Variants in ZNF75D observed in about 807,000 individuals in gnomAD.
ZNF75D encodes the protein zinc finger protein 75D.
Under a neutral mutation model 33.3 loss-of-function variants are expected in ZNF75D, and 33 were observed. That is an observed-to-expected ratio of 0.99 (90% CI 0.75 to 1.32). The LOEUF is 1.32. ZNF75D is among the 40% of genes most tolerant of loss of function. The pLI, the probability that ZNF75D is intolerant of heterozygous loss-of-function variation, is 0.00. For synonymous variants in ZNF75D, 113 were observed against 130.6 expected, an observed-to-expected ratio of 0.87 and a Z score of 0.92; for missense variants, 338 against 367.5, an observed-to-expected ratio of 0.92 and a Z score of 0.66.
At chrX:135,326,858 A>C in intron 1 of ZNF75D, among the ~76,000 whole-genome samples, 1 of 111,885 alleles carries the variant, frequency 8.9e-6, no homozygotes, top group African/African-American at 3.2e-5. Context: ...CTCCGAACAC[A>C]TCCGAACATC....
At position 135,342,143 on chromosome X, in the gene ZNF75D, A is replaced by C. The variant is rs1181009349; in HGVS notation, c.-766T>G. The C allele has an allele frequency of 8.9e-6, 1 of 112,155 alleles. No homozygotes were observed. Among genetic ancestry groups the C allele is most frequent in the Non-Finnish European group, 1.9e-5 (1 of 53,217 alleles). The allele number at this position is 112,155 out of a possible 1,213,427, so 9.2% of individuals were successfully genotyped here. ...TAGTCTGTTACACTGATGACATGCT[A>C]ATTAGACCTAGTGAACAAGAAGTAG... On this transcript the variant is annotated 5_prime_UTR_variant, in exon 1 of 7. In the 5' UTR this introduces an upstream ATG that the reference lacks. Transcript: ENST00000370766.
At chrX:135,272,056 C>T (rs2083885116) in intron 1 of ZNF75D, among the ~76,000 whole-genome samples, 1 of 110,175 alleles carries the variant, frequency 9.1e-6, no homozygotes, top group African/African-American at 3.3e-5. Context: ...TGCTTATTAC[C>T]ACCACATCCA....
chrX:135,316,830 TGATA>T (rs1292562658), intron 1 of ZNF75D, among the ~76,000 whole-genome samples: 1 of 109,973 alleles, frequency 9.1e-6, no homozygotes, highest in African/African-American at 3.3e-5. Context: ...TTTTTTTTAA[TGATA>T]GATATTTCTT....
At chrX:135,319,120 C>T (rs2084463590) in intron 1 of ZNF75D, among the ~76,000 whole-genome samples, 1 of 111,528 alleles carries the variant, frequency 9.0e-6, no homozygotes, top group Admixed American at 9.5e-5. Flanking sequence ...GGTATTTTTC[C>T]TGATAATTTG....
chrX:135,261,887 A>G (rs782710343), intron 1 of ZNF75D, among the ~76,000 whole-genome samples: 10 of 111,973 alleles, frequency 8.9e-5, no homozygotes, highest in Non-Finnish European at 1.9e-4. Flanking sequence ...GTTTCTTCAT[A>G]GCATCGATGG....
intron 1 of ZNF75D, among the ~76,000 whole-genome samples, chrX:135,301,889 A>T (rs2084222105): frequency 8.9e-6 from 1 of 112,339 alleles, no homozygotes; most frequent in African/African-American, 3.2e-5. Flanking sequence ...GTTCTCCATG[A>T]GGGCTCTGCT....
chrX:135,280,167 C>T (rs182633611), intron 1 of ZNF75D, among the ~76,000 whole-genome samples: 39 of 111,950 alleles, frequency 3.5e-4, no homozygotes, highest in African/African-American at 1.2e-3. Context: ...CTGGGTCCTC[C>T]TGTATTGGGT....
intron 1 of ZNF75D, among the ~76,000 whole-genome samples, chrX:135,339,965 T>G (rs1371695354): frequency 1.8e-5 from 2 of 112,510 alleles, no homozygotes; most frequent in Non-Finnish European, 3.8e-5. Context: ...ACTTAAACAG[T>G]GATAGGAAGA....
chrX:135,313,419 T>G (rs1260966007), intron 1 of ZNF75D, among the ~76,000 whole-genome samples: 2 of 112,163 alleles, frequency 1.8e-5, no homozygotes, highest in Non-Finnish European at 3.8e-5. Flanking sequence ...TCCAGTAGTG[T>G]GTTGCTTCCA....
Position 135,292,468 on chromosome X carries a change from T to C in ZNF75D, c.417A>G (p.Thr139=). 1 of 1,210,623 alleles carries C rather than the reference T, an allele frequency of 8.3e-7. No homozygotes were observed. Among genetic ancestry groups the C allele is most frequent in the Non-Finnish European group, 1.1e-6 (1 of 894,803 alleles). Reference sequence around the variant, plus strand: ...CTGCCTCCTTTCCCAGCTCATGGGCTGTGACCTAGAAATAATCCCCATCCT... The same window carrying C: ...CTGCCTCCTTTCCCAGCTCATGGGCCGTGACCTAGAAATAATCCCCATCCT... ...REPDGTKNEV[T]AHELGKEAVL... The change falls in exon 4 of 7, where the codon ACA becomes ACG. Residue 139 remains threonine (T), a synonymous_variant. Transcript: ENST00000370766.
At chrX:135,299,964 A>G (rs1227983865) in intron 1 of ZNF75D, among the ~76,000 whole-genome samples, 3 of 112,334 alleles carry the variant, frequency 2.7e-5, no homozygotes, top group Non-Finnish European at 5.6e-5. Context: ...ATTCTATTCT[A>G]TTGATCTAAA....
At chrX:135,337,875 CAAG>C (rs1350244495) in intron 1 of ZNF75D, among the ~76,000 whole-genome samples, 2 of 110,586 alleles carry the variant, frequency 1.8e-5, no homozygotes, top group African/African-American at 6.6e-5. Flanking sequence ...AGGGAAGGGT[CAAG>C]AAGGAGAGGG....
chrX:135,260,561 G>C (rs1268747232), intron 1 of ZNF75D, among the ~76,000 whole-genome samples: 3 of 112,003 alleles, frequency 2.7e-5, no homozygotes, highest in African/African-American at 9.8e-5. Flanking sequence ...ATTTCTTCTA[G>C]ATTTTCTAGT....
At chrX:135,314,207 TGA>T (rs1212168611) in intron 1 of ZNF75D, among the ~76,000 whole-genome samples, 5 of 112,221 alleles carry the variant, frequency 4.5e-5, no homozygotes, top group Non-Finnish European at 7.5e-5. Flanking sequence ...AAAGGGATGT[TGA>T]GTCTTATCAA....
In ZNF75D at chrX:135,294,057, C is replaced by T. The variant is rs782168296; in HGVS notation, c.84G>A (p.Glu28=). 1.7e-5 allele frequency: 21 copies of T among 1,209,318 alleles called. No homozygotes were observed. The East Asian group carries it at 6.2e-4, about 36-fold the overall frequency. ...TGTATTTCTTACTCTGACTGGAGTTCTCTTTCACAGACCCACTAGTCTCCC... is the reference window on the plus strand; with the variant it reads ...TGTATTTCTTACTCTGACTGGAGTTTTCTTTCACAGACCCACTAGTCTCCC... ...AMWETSGSVK[E]NSSQSKKYST... Residue 28 remains glutamate (E), a synonymous_variant, in exon 3 of 7, where the codon GAG becomes GAA. Transcript: ENST00000370766.
rs1175086518 is a variant in ZNF75D, at chrX:135,297,097, T to C, written c.-390-1058A>G. ...TTTGGACAAAAATTGCCAATGTGAATCTAAACAGGAGAAACTGGGTGTAGC... is the reference window on the plus strand; with the variant it reads ...TTTGGACAAAAATTGCCAATGTGAACCTAAACAGGAGAAACTGGGTGTAGC... On this transcript the variant is annotated intron_variant, in intron 1 of 6. Coordinates refer to ENST00000370766, the MANE Select transcript of ZNF75D (RefSeq NM_007131.5). 3 of 112,158 alleles carry C rather than the reference T, an allele frequency of 2.7e-5. No homozygotes were observed. In the East Asian group the frequency reaches 8.4e-4, roughly 31 times the overall value. The allele number at this position is 112,158 out of a possible 1,213,427, so 9.2% of individuals were successfully genotyped here.
chrX:135,335,218 G>C (rs1830226161), intron 1 of ZNF75D, among the ~76,000 whole-genome samples: 1 of 111,496 alleles, frequency 9.0e-6, no homozygotes, highest in Admixed American at 9.5e-5. Context: ...TAGACTGGGA[G>C]AAGTAGGCAG....
intron 1 of ZNF75D, chrX:135,296,898 C>T (rs1200702214): frequency 8.9e-6 from 1 of 112,241 alleles, no homozygotes; most frequent in African/African-American, 3.2e-5. Flanking sequence ...TTTTCTACTA[C>T]ATTATGCTTT....
chrX:135,258,759 G>C (rs1463676464), intron 1 of ZNF75D, among the ~76,000 whole-genome samples: 1 of 112,043 alleles, frequency 8.9e-6, no homozygotes, highest in Non-Finnish European at 1.9e-5. Flanking sequence ...TGTTCACTCT[G>C]ATGGTAGTTT....
Sources: gnomAD v4.1 joint callset for allele counts (sites outside exome capture counted in the v4.1 genomes callset) on GRCh38, gnomAD v4.1.1 for gene constraint, MANE v1.5 for transcripts, NCBI Gene and HGNC (gene_info 2026-07-23, HGNC 2026-07-21) for gene names.